Variants in GRHL2 observed in about 807,000 individuals in gnomAD.
The protein encoded by GRHL2 is grainyhead-like protein 2 homolog.
In GRHL2, 21 loss-of-function variants were observed where a neutral mutation model predicts 83.8. The ratio of observed to expected loss-of-function variants is 0.25; its 90% CI spans 0.18 to 0.36. GRHL2 has a LOEUF of 0.36. Ranked by LOEUF, GRHL2 falls within the 10% of genes least tolerant of loss-of-function variation. The pLI is 1.00. For synonymous variants in GRHL2, 280 were observed against 278.9 expected (o/e 1.00, Z -0.04); for missense variants, 623 against 781.8 (o/e 0.80, Z 2.42).
chr8:101,526,879 T>C (rs1324885142), intron 1 of GRHL2, among the ~76,000 whole-genome samples: 1 of 152,176 alleles, frequency 6.6e-6, no homozygotes, highest in Non-Finnish European at 1.5e-5. Context: ...TTAATAAAAT[T>C]AATATTCTAT....
intron 13 of GRHL2, among the ~76,000 whole-genome samples, chr8:101,648,251 C>T (rs916988093): frequency 2.0e-5 from 3 of 152,190 alleles, no homozygotes; most frequent in Admixed American, 6.5e-5. Context: ...GCAGCTGTCA[C>T]GTCTGTGGGA....
In GRHL2 at chr8:101,655,539, C is replaced by T. The variant is rs79071288; in HGVS notation, c.1698+6040C>T. On this transcript the variant is annotated intron_variant, in intron 14 of 15. Coordinates refer to ENST00000646743, the MANE Select transcript of GRHL2 (RefSeq NM_024915.4). ...TCTTATTCAGTAGTCCTAAACCCCC[C>T]AGACCTTCATTTCACCTGCCAGAAA... is the stretch of plus-strand genomic sequence containing the variant. 8.4e-3 allele frequency among the ~76,000 whole-genome samples: 1,276 copies of T among 152,302 alleles called. 15 individuals are homozygous for T. Among genetic ancestry groups the T allele is most frequent in the East Asian group, 0.053 (274 of 5,176 alleles).
intron 1 of GRHL2, among the ~76,000 whole-genome samples, chr8:101,508,504 A>T (rs1198677280): frequency 1.3e-5 from 2 of 151,756 alleles, no homozygotes; most frequent in Admixed American, 1.3e-4. Flanking sequence ...GCTGTAGAGC[A>T]TTTATAGTCA....
At chr8:101,653,748 C>G (rs73699565) in intron 14 of GRHL2, among the ~76,000 whole-genome samples, 1 of 60,514 alleles carries the variant, frequency 1.7e-5, no homozygotes, top group East Asian at 4.5e-4. Flanking sequence ...AAAAAAAAAA[C>G]AAAAACAAAA....
chr8:101,636,408 G>A (rs1030824948), intron 11 of GRHL2, among the ~76,000 whole-genome samples: 7 of 152,064 alleles, frequency 4.6e-5, no homozygotes, highest in Non-Finnish European at 1.0e-4. Context: ...GACAGGCCTA[G>A]TTACTGTCAC....
chr8:101,574,125 A>G (rs1002246301), intron 6 of GRHL2, among the ~76,000 whole-genome samples: 5 of 152,116 alleles, frequency 3.3e-5, no homozygotes, highest in African/African-American at 1.2e-4. Flanking sequence ...CAATCAATTG[A>G]TCTTAATTTT....
intron 5 of GRHL2, among the ~76,000 whole-genome samples, chr8:101,571,832 T>C (rs1811834690): frequency 6.6e-6 from 1 of 152,122 alleles, no homozygotes; most frequent in South Asian, 2.1e-4. Flanking sequence ...GGACTTGAAA[T>C]TGCCTTCTAA....
At chr8:101,588,672 A>G (rs931938674) in intron 7 of GRHL2, among the ~76,000 whole-genome samples, 17 of 152,332 alleles carry the variant, frequency 1.1e-4, no homozygotes, top group Admixed American at 9.8e-4. Context: ...AAGATAATCC[A>G]CTTGAAGATT....
chr8:101,618,417 C>A (rs1387192936), intron 8 of GRHL2, among the ~76,000 whole-genome samples: 1 of 152,124 alleles, frequency 6.6e-6, no homozygotes, highest in East Asian at 1.9e-4. Flanking sequence ...GATGTTGATG[C>A]CTTCACTAAT....
Position 101,552,383 on chromosome 8 carries a change from C to T in GRHL2, c.217-332C>T, listed in dbSNP as rs1811401722. 1.3e-5 allele frequency among the ~76,000 whole-genome samples: 2 copies of T among 152,228 alleles called. 1 individual carries two copies. Among genetic ancestry groups the T allele is most frequent in the South Asian group, 4.1e-4 (2 of 4,834 alleles). ...TCAAAGGCACCCAAGTCTAGATTCA[C>T]CTCTGCTCACATTGCTCCTCTCCCC... is the stretch of plus-strand genomic sequence containing the variant. On this transcript the variant is annotated intron_variant, in intron 2 of 15. Coordinates refer to ENST00000646743, the MANE Select transcript of GRHL2 (RefSeq NM_024915.4).
chr8:101,607,909 C>T (rs1812663529), intron 8 of GRHL2, among the ~76,000 whole-genome samples: 1 of 152,148 alleles, frequency 6.6e-6, no homozygotes, highest in Non-Finnish European at 1.5e-5. Context: ...AGGCATCTCA[C>T]CAAAGGTATC....
chr8:101,562,698 T>C (rs572344529), intron 4 of GRHL2, among the ~76,000 whole-genome samples: 1 of 152,342 alleles, frequency 6.6e-6, no homozygotes, highest in African/African-American at 2.4e-5. Flanking sequence ...TGTGATATAA[T>C]TGTTGGTACC....
intron 1 of GRHL2, among the ~76,000 whole-genome samples, chr8:101,524,592 T>C (rs1476687545): frequency 6.6e-6 from 1 of 152,228 alleles, no homozygotes; most frequent in African/African-American, 2.4e-5. Flanking sequence ...CCTGTGAATA[T>C]TTAGAAAACT....
chr8:101,584,402 C>T (rs1018183334), intron 7 of GRHL2, among the ~76,000 whole-genome samples: 14 of 152,232 alleles, frequency 9.2e-5, no homozygotes, highest in African/African-American at 2.4e-4. Flanking sequence ...CATTTCTTCA[C>T]GTTTGATTCT....
intron 1 of GRHL2, among the ~76,000 whole-genome samples, chr8:101,527,306 G>A (rs1056982382): frequency 1.3e-5 from 2 of 152,094 alleles, no homozygotes; most frequent in Non-Finnish European, 2.9e-5. Flanking sequence ...TAACCATTAT[G>A]TATTACTCTC....
At chr8:101,647,182 C>T (rs750204188) in intron 13 of GRHL2, among the ~76,000 whole-genome samples, 6 of 152,100 alleles carry the variant, frequency 3.9e-5, no homozygotes, top group East Asian at 1.9e-4. Flanking sequence ...GCCAGGAGTT[C>T]GAGAAACCCC....
At chr8:101,569,558 C>A (rs1335281241) in intron 4 of GRHL2, among the ~76,000 whole-genome samples, 1 of 152,212 alleles carries the variant, frequency 6.6e-6, no homozygotes, top group Non-Finnish European at 1.5e-5. Context: ...CAGCCTTGAA[C>A]TCTTGGGCTC....
At chr8:101,493,042 C>G (rs912499056) in intron 1 of GRHL2, among the ~76,000 whole-genome samples, 7 of 152,084 alleles carry the variant, frequency 4.6e-5, no homozygotes, top group Non-Finnish European at 1.0e-4. Context: ...TTTCCTTCTT[C>G]CCTTAGGAAT....
At chr8:101,659,894 C>T (rs1378471465) in intron 14 of GRHL2, among the ~76,000 whole-genome samples, 2 of 152,138 alleles carry the variant, frequency 1.3e-5, no homozygotes, top group East Asian at 1.9e-4. Flanking sequence ...AATATCTTCT[C>T]AAGGAGTCGC....
Sources: allele counts gnomAD v4.1 joint callset (sites outside exome capture counted in the v4.1 genomes callset), GRCh38; gene constraint gnomAD v4.1.1; transcripts MANE v1.5; gene names NCBI Gene and HGNC (gene_info 2026-07-23, HGNC 2026-07-21).